The following RBFOX1 variants were observed in gnomAD, a reference collection of about 807,000 sequenced individuals.
RBFOX1 encodes the protein RNA binding fox-1 homolog 1.
A neutral mutation model predicts 57.7 loss-of-function variants in RBFOX1; 8 were observed. The ratio of observed to expected loss-of-function variants is 0.14; its 90% CI spans 0.08 to 0.25. The LOEUF (loss-of-function observed/expected upper bound fraction) is 0.25, where lower values mean the gene tolerates loss of function less well. Among genes scored for constraint, RBFOX1 ranks in the 10% least tolerant of loss-of-function variants. The probability of loss-of-function intolerance (pLI) is 1.00; values close to 1 mark genes in which losing one functional copy is unlikely to be tolerated. For synonymous variants in RBFOX1, 326 were observed against 222.4 expected (o/e 1.47, Z -4.15); for missense variants, 611 against 548.5 (o/e 1.11, Z -1.14).
intron 3 of RBFOX1, among the ~76,000 whole-genome samples, chr16:6,816,825 G>A (rs1431838948): frequency 1.3e-5 from 2 of 151,872 alleles, no homozygotes; most frequent in Non-Finnish European, 2.9e-5. Context: ...TCTCACTGCA[G>A]TCTCAAACTC....
intron 2 of RBFOX1, among the ~76,000 whole-genome samples, chr16:6,457,952 C>T (rs1005636204): frequency 6.6e-5 from 10 of 151,246 alleles, no homozygotes; most frequent in Admixed American, 3.3e-4. Context: ...ATGGTGGTCA[C>T]GTACATGTGC....
At chr16:7,592,770 T>A (rs1440326135) in intron 7 of RBFOX1, among the ~76,000 whole-genome samples, 1 of 152,098 alleles carries the variant, frequency 6.6e-6, no homozygotes, top group Non-Finnish European at 1.5e-5. Context: ...TCAAAATCTA[T>A]AGCCAAAAAT....
chr16:6,842,385 C>G (rs951538054), intron 3 of RBFOX1, among the ~76,000 whole-genome samples: 4 of 152,046 alleles, frequency 2.6e-5, no homozygotes, highest in Non-Finnish European at 5.9e-5. Context: ...GAAATGTTCT[C>G]CTTATTTAAT....
At chr16:5,778,285 C>T (rs2054210524) in intron 3 of RBFOX1, among the ~76,000 whole-genome samples, 1 of 152,020 alleles carries the variant, frequency 6.6e-6, no homozygotes, top group Admixed American at 6.6e-5. Flanking sequence ...TTCACAGGGC[C>T]CCAGAGTTCT....
chr16:7,063,742 C>T (rs776747624), intron 4 of RBFOX1, among the ~76,000 whole-genome samples: 2 of 152,176 alleles, frequency 1.3e-5, no homozygotes, highest in Non-Finnish European at 2.9e-5. Flanking sequence ...CTGCACGGAA[C>T]ATGTGCAGAC....
chr16:5,300,635 G>A (rs1322073388), intron 1 of RBFOX1, among the ~76,000 whole-genome samples: 2 of 151,944 alleles, frequency 1.3e-5, no homozygotes, highest in South Asian at 2.1e-4. Context: ...TCTGGGACTC[G>A]GCTTTTGTTT....
chr16:7,508,633 G>A (rs958752371), intron 4 of RBFOX1, among the ~76,000 whole-genome samples: 13 of 152,112 alleles, frequency 8.5e-5, no homozygotes, highest in Non-Finnish European at 1.9e-4. Flanking sequence ...GTAAGGACGG[G>A]CACAAATACT....
intron 1 of RBFOX1, among the ~76,000 whole-genome samples, chr16:6,114,930 C>T (rs972361991): frequency 1.3e-5 from 2 of 152,172 alleles, no homozygotes; most frequent in Admixed American, 6.5e-5. Context: ...ACTATATTTA[C>T]ACTGACTTAG....
intron 4 of RBFOX1, among the ~76,000 whole-genome samples, chr16:7,317,192 G>A (rs890639354): frequency 2.0e-5 from 3 of 152,038 alleles, no homozygotes; most frequent in African/African-American, 4.8e-5. Context: ...GAAAAGAAAC[G>A]GCCAGGAGTA....
intron 4 of RBFOX1, among the ~76,000 whole-genome samples, chr16:7,339,531 C>G (rs547781442): frequency 3.3e-5 from 5 of 152,152 alleles, no homozygotes; most frequent in African/African-American, 1.2e-4. Flanking sequence ...CCTCCACCTG[C>G]CAAGTTCAAG....
chr16:5,785,107 C>G (rs1361477058), intron 3 of RBFOX1, among the ~76,000 whole-genome samples: 2 of 152,132 alleles, frequency 1.3e-5, no homozygotes, highest in Non-Finnish European at 2.9e-5. Flanking sequence ...CAACTTTTAC[C>G]TTCCACGGAT....
chr16:6,997,598 G>C (rs146809471), intron 3 of RBFOX1, among the ~76,000 whole-genome samples: 1 of 152,278 alleles, frequency 6.6e-6, no homozygotes, highest in Non-Finnish European at 1.5e-5. Context: ...AAGATAGACT[G>C]CGTTTTGCAA....
At chr16:7,497,272 T>C (rs546470136) in intron 4 of RBFOX1, among the ~76,000 whole-genome samples, 2 of 152,282 alleles carry the variant, frequency 1.3e-5, no homozygotes, top group Admixed American at 1.3e-4. Flanking sequence ...ACTCCAGCCA[T>C]ATTATCCTGT....
intron 3 of RBFOX1, among the ~76,000 whole-genome samples, chr16:6,740,277 T>C (rs1568419051): frequency 6.6e-6 from 1 of 152,136 alleles, no homozygotes; most frequent in African/African-American, 2.4e-5. Context: ...CGATAAAGGA[T>C]ATGTGCAAAA....
intron 1 of RBFOX1, among the ~76,000 whole-genome samples, chr16:6,263,321 A>G (rs950857754): frequency 6.6e-6 from 1 of 152,198 alleles, no homozygotes; most frequent in African/African-American, 2.4e-5. Flanking sequence ...TTGAGAATTC[A>G]TGCTCAAACT....
At chr16:6,919,360 C>T (rs972168422) in intron 3 of RBFOX1, among the ~76,000 whole-genome samples, 7 of 152,096 alleles carry the variant, frequency 4.6e-5, no homozygotes, top group African/African-American at 1.7e-4. Flanking sequence ...ATTAATTCCT[C>T]ACAACAGCCC....
chr16:5,436,551 A>C (rs1180626719), intron 1 of RBFOX1, among the ~76,000 whole-genome samples: 4 of 152,194 alleles, frequency 2.6e-5, no homozygotes. Context: ...CCAGAAGAAA[A>C]TAATTCTGGC....
intron 4 of RBFOX1, among the ~76,000 whole-genome samples, chr16:5,929,706 T>C (rs756026353): frequency 1.2e-4 from 18 of 152,182 alleles, no homozygotes; most frequent in Non-Finnish European, 2.1e-4. Flanking sequence ...CCTGAGCATC[T>C]GTTTTTTTTA....
chr16:7,421,833 TA>T (rs2098545600), intron 4 of RBFOX1, among the ~76,000 whole-genome samples: 1 of 152,246 alleles, frequency 6.6e-6, no homozygotes, highest in Non-Finnish European at 1.5e-5. Flanking sequence ...TTATATTTTG[TA>T]AGGGCATGCA....
Sources: gnomAD v4.1 joint callset for allele counts (sites outside exome capture counted in the v4.1 genomes callset) on GRCh38, gnomAD v4.1.1 for gene constraint, MANE v1.5 for transcripts, NCBI Gene and HGNC (gene_info 2026-07-23, HGNC 2026-07-21) for gene names.